SNTG2: variants seen among roughly 807,000 people sequenced by gnomAD.
SNTG2 encodes the protein syntrophin gamma 2.
In SNTG2, 74 loss-of-function variants were observed where a neutral mutation model predicts 70.9. That is an observed-to-expected ratio of 1.04 (90% confidence interval 0.86 to 1.27). The LOEUF (loss-of-function observed/expected upper bound fraction) is 1.27. SNTG2 is among the 50% of genes most tolerant of loss of function. The probability of loss-of-function intolerance (pLI) is 0.00; values close to 1 mark genes in which losing one functional copy is unlikely to be tolerated. For synonymous variants in SNTG2, 278 were observed against 273.8 expected, an observed-to-expected ratio of 1.02 and a Z score of -0.15; for missense variants, 717 against 690.7, an observed-to-expected ratio of 1.04 and a Z score of -0.43.
Position 1,146,807 on chromosome 2 carries a change from A to G in SNTG2, c.411+8998A>G, listed in dbSNP as rs550344783. 3.9e-5 allele frequency among the ~76,000 whole-genome samples: 6 copies of G among 152,340 alleles called. 1 individual carries two copies. The highest frequency in any genetic ancestry group is 2.0e-4 in the Admixed American group (3 of 15,310). On this transcript the variant is annotated intron_variant, in intron 6 of 16. Transcript: ENST00000308624. ...TAATGGGGAAAAGGCAGTCTTCAAC[A>G]AATGGACATCTACATGTACAAAAAT...
chr2:1,223,842 T>TAGTTCCACAGATGGGTGGCCC (rs1200138191), intron 9 of SNTG2, among the ~76,000 whole-genome samples: 8 of 126,548 alleles, frequency 6.3e-5, no homozygotes, highest in South Asian at 2.6e-4. Flanking sequence ...TGGGTGACCT[T>TAGTTCCACAGATGGGTGGCCC]AGTTCCACAG....
At chr2:1,105,930 G>A (rs1338609716) in intron 4 of SNTG2, among the ~76,000 whole-genome samples, 1 of 152,234 alleles carries the variant, frequency 6.6e-6, no homozygotes, top group Non-Finnish European at 1.5e-5. Flanking sequence ...GGTGGCCCCT[G>A]ACCCCGAGGC....
intron 14 of SNTG2, among the ~76,000 whole-genome samples, chr2:1,284,841 G>A (rs1163830136): frequency 6.6e-6 from 1 of 152,106 alleles, no homozygotes; most frequent in Non-Finnish European, 1.5e-5. Flanking sequence ...CACATAGGCT[G>A]TGTGTCAGGT....
chr2:1,212,502 G>T (rs1009325532), intron 9 of SNTG2, among the ~76,000 whole-genome samples: 2 of 152,130 alleles, frequency 1.3e-5, no homozygotes, highest in Admixed American at 6.5e-5. Context: ...ACAGCAAACT[G>T]AAAGGTTTAT....
At position 1,165,590 on chromosome 2, in the gene SNTG2, G is replaced by A. The variant is rs377168098; in HGVS notation, c.454G>A (p.Val152Ile). Reference sequence around the variant, plus strand: ...TGCTGGCGATGAAGTTACCATCACCGTTGAGTATCTCAGGGAAGCGCCGGC... The same window carrying A: ...TGCTGGCGATGAAGTTACCATCACCATTGAGTATCTCAGGGAAGCGCCGGC... ...RNAGDEVTIT[V>I]EYLREAPAFL... Residue 152 changes from valine (V) to isoleucine (I), a missense_variant, in exon 7 of 17, where the codon GTT becomes ATT. Coordinates refer to ENST00000308624, the MANE Select transcript of SNTG2 (RefSeq NM_018968.4). 9.4e-5 allele frequency: 152 copies of A among 1,613,026 alleles called. No individual in the cohort carries two copies. Among genetic ancestry groups the A allele is most frequent in the Middle Eastern group, 1.7e-4 (1 of 6,056 alleles).
At chr2:1,354,150 A>G (rs188904299) in intron 16 of SNTG2, among the ~76,000 whole-genome samples, 1 of 152,336 alleles carries the variant, frequency 6.6e-6, no homozygotes, top group Admixed American at 6.5e-5. Flanking sequence ...AAAACTTTAT[A>G]AAAATCTAAG....
intron 1 of SNTG2, among the ~76,000 whole-genome samples, chr2:991,831 A>G (rs1352091474): frequency 6.6e-6 from 1 of 152,214 alleles, no homozygotes. Flanking sequence ...TTATCAATAA[A>G]TGATAAGAAA....
At chr2:1,335,170 T>TA (rs1424838781) in intron 16 of SNTG2, among the ~76,000 whole-genome samples, 1 of 132,902 alleles carries the variant, frequency 7.5e-6, no homozygotes, top group Non-Finnish European at 1.6e-5. Context: ...ACCTTGAACA[T>TA]ACCCCCGTGC....
chr2:1,245,822 A>C (rs28375220), intron 11 of SNTG2, among the ~76,000 whole-genome samples: 31,830 of 152,200 alleles, frequency 0.21, 4,542 homozygotes, highest in African/African-American at 0.4. Context: ...TGTCCCTGGC[A>C]TTTGCCCCCA....
chr2:1,323,468 C>T (rs1343020631), intron 16 of SNTG2, among the ~76,000 whole-genome samples: 1 of 115,450 alleles, frequency 8.7e-6, no homozygotes, highest in Non-Finnish European at 1.9e-5. Flanking sequence ...CTGAGACCCC[C>T]CAGTAGACTA....
intron 4 of SNTG2, among the ~76,000 whole-genome samples, chr2:1,122,627 C>T (rs28896578): frequency 0.48 from 72,320 of 151,106 alleles, 18,381 homozygotes; most frequent in East Asian, 0.66. Context: ...TATGAACAAA[C>T]GCTTTAACAT....
chr2:1,021,779 A>T (rs1444284257), intron 1 of SNTG2, among the ~76,000 whole-genome samples: 1 of 149,114 alleles, frequency 6.7e-6, no homozygotes, highest in Non-Finnish European at 1.5e-5. Context: ...GCCCGGATTT[A>T]TTATTATTAT....
chr2:1,259,216 G>A (rs1359520520), intron 12 of SNTG2, among the ~76,000 whole-genome samples, 154 bp from the exon 13 acceptor site: 1 of 152,194 alleles, frequency 6.6e-6, no homozygotes, highest in African/African-American at 2.4e-5. Context: ...AAAACTCACA[G>A]CAGTACGTAA....
rs528579569 is a variant in SNTG2 at position 1,170,609 on chromosome 2, G to T, written c.500-2483G>T. 3.0e-4 allele frequency among the ~76,000 whole-genome samples: 43 copies of T among 142,324 alleles called. No homozygotes were observed. In the Middle Eastern group the frequency reaches 0.021, roughly 68 times the overall value. 93.4% of individuals were successfully genotyped at this position (142,324 alleles called of 152,430 possible). ...CCTTTGTGTCTGGCATCTTCCCCCA[G>T]TGTAGTTTCAGAGTCCGCCCCCAAT... is the stretch of plus-strand genomic sequence containing the variant. On this transcript the variant is annotated intron_variant, in intron 7 of 16. Transcript: ENST00000308624.
chr2:1,228,293 A>T (rs937040394), intron 9 of SNTG2, among the ~76,000 whole-genome samples: 2 of 152,194 alleles, frequency 1.3e-5, no homozygotes, highest in Non-Finnish European at 2.9e-5. Flanking sequence ...TTCTCTTAGG[A>T]TCAGAGAACA....
intron 1 of SNTG2, among the ~76,000 whole-genome samples, chr2:1,011,676 C>A (rs1399178510): frequency 1.5e-5 from 2 of 136,528 alleles, no homozygotes; most frequent in African/African-American, 5.1e-5. Flanking sequence ...AATATAATTG[C>A]AGGCTTTTTT....
intron 16 of SNTG2, among the ~76,000 whole-genome samples, chr2:1,329,034 TA>T (rs1393931601): frequency 6.6e-6 from 1 of 152,264 alleles, no homozygotes; most frequent in East Asian, 1.9e-4. Flanking sequence ...TACAGACTCT[TA>T]AAAAATCCTT....
intron 1 of SNTG2, among the ~76,000 whole-genome samples, chr2:1,083,138 T>TA (rs1178465498): frequency 6.7e-6 from 1 of 150,120 alleles, no homozygotes; most frequent in South Asian, 2.1e-4. Flanking sequence ...TTATGAATCT[T>TA]AAAAACTATC....
At chr2:1,034,956 C>G (rs75717691) in intron 1 of SNTG2, among the ~76,000 whole-genome samples, 5,676 of 152,242 alleles carry the variant, frequency 0.037, 125 homozygotes, top group South Asian at 0.061. Flanking sequence ...ATAGACCACA[C>G]AGTAGGACAT....
Sources: gnomAD v4.1 joint callset for allele counts (sites outside exome capture counted in the v4.1 genomes callset) on GRCh38, gnomAD v4.1.1 for gene constraint, MANE v1.5 for transcripts, NCBI Gene and HGNC (gene_info 2026-07-23, HGNC 2026-07-21) for gene names.